Variants in SPMAP2 observed in about 807,000 individuals in gnomAD.
SPMAP2 encodes sperm microtubule associated protein 2, also known as Theg homolog.
At chr19:362,362 G>C in the SPMAP2 span, 1 of 1,609,008 alleles carries the variant, frequency 6.2e-7, no homozygotes, top group Non-Finnish European at 8.5e-7. Context: ...CCTTCTTGGT[G>C]ACATCCAGCA....
the SPMAP2 span, chr19:375,981 C>A: frequency 1.4e-6 from 2 of 1,384,892 alleles, no homozygotes; most frequent in Non-Finnish European, 1.9e-6. Context: ...ACACCGGTCC[C>A]TTCCCAGCCC....
chr19:374,503 TC>T, the SPMAP2 span: 2 of 1,578,176 alleles, frequency 1.3e-6, no homozygotes, highest in African/African-American at 2.7e-5. Context: ...TGGGTCTTGC[TC>T]AAGCGCCTTT....
chr19:374,381 T>G, the SPMAP2 span: 1 of 1,614,118 alleles, frequency 6.2e-7, no homozygotes, highest in Non-Finnish European at 8.5e-7. Context: ...CTTGCTTTGG[T>G]CATGGTGGTG....
the SPMAP2 span, chr19:374,625 T>C: frequency 1.4e-5 from 9 of 630,418 alleles, no homozygotes; most frequent in Middle Eastern, 1.3e-3. Flanking sequence ...GCTCGCTGGA[T>C]GGAAGACCCG....
the SPMAP2 span, among the ~76,000 whole-genome samples, chr19:368,491 G>A: frequency 6.7e-6 from 1 of 148,432 alleles, no homozygotes; most frequent in East Asian, 2.1e-4. The surrounding 1 kb of genome is among the most constrained non-coding windows in gnomAD (Gnocchi z 4.1). Flanking sequence ...GGGAGGGAGG[G>A]AAGGAGGGCA....
chr19:369,968 G>A, the SPMAP2 span, among the ~76,000 whole-genome samples: 5 of 152,182 alleles, frequency 3.3e-5, no homozygotes, highest in African/African-American at 1.2e-4. Context: ...GGATGCGACG[G>A]CTTGGCTTGG....
the SPMAP2 span, among the ~76,000 whole-genome samples, chr19:369,113 G>T: frequency 6.6e-6 from 1 of 152,194 alleles, no homozygotes; most frequent in African/African-American, 2.4e-5. Context: ...TTATGGGAGA[G>T]ATGCTGTCAC....
At chr19:373,755 G>C in the SPMAP2 span, among the ~76,000 whole-genome samples, 4 of 152,116 alleles carry the variant, frequency 2.6e-5, no homozygotes, top group Non-Finnish European at 5.9e-5. Context: ...GCATAGCTAA[G>C]AAGAGGGCCC....
the SPMAP2 span, among the ~76,000 whole-genome samples, chr19:370,364 C>T: frequency 1.8e-4 from 26 of 147,112 alleles, no homozygotes; most frequent in African/African-American, 5.8e-4. Flanking sequence ...TTTTTTGAGG[C>T]GGAGTCTCGC....
At chr19:362,345 G>T in the SPMAP2 span, 1 of 1,610,730 alleles carries the variant, frequency 6.2e-7, no homozygotes, top group South Asian at 1.1e-5. Flanking sequence ...CCGGGGGCTG[G>T]CCACCACCTT....
the SPMAP2 span, chr19:374,664 A>G: frequency 1.8e-6 from 1 of 548,572 alleles, no homozygotes; most frequent in South Asian, 2.3e-5. Flanking sequence ...CCTGGTCCTC[A>G]GCTTCCTCCT....
the SPMAP2 span, among the ~76,000 whole-genome samples, chr19:365,860 C>T: frequency 7.9e-5 from 12 of 152,132 alleles, no homozygotes; most frequent in Admixed American, 1.3e-4. Context: ...AATGCTGCTT[C>T]CTGGCCAGGA....
chr19:371,435 CAT>C, the SPMAP2 span: 3 of 504,118 alleles, frequency 6.0e-6, no homozygotes, highest in East Asian at 3.1e-5. Context: ...CCAGCTCCTC[CAT>C]ATGTGTCTGT....
At chr19:373,866 G>T in the SPMAP2 span, 1 of 1,370,476 alleles carries the variant, frequency 7.3e-7, no homozygotes, top group Non-Finnish European at 1.0e-6. Context: ...AGGGTGGCTG[G>T]AGTGAAGGGG....
the SPMAP2 span, among the ~76,000 whole-genome samples, chr19:364,865 G>A: frequency 2.6e-5 from 4 of 152,134 alleles, no homozygotes; most frequent in Admixed American, 6.5e-5. Context: ...AGCAGCCGGG[G>A]CTGTCCTCTA....
At chr19:372,298 C>A in the SPMAP2 span, among the ~76,000 whole-genome samples, 12 of 152,384 alleles carry the variant, frequency 7.9e-5, no homozygotes, top group African/African-American at 2.9e-4. Flanking sequence ...AGAATTTCCA[C>A]CTTTTTTGAG....
chr19:364,713 G>A, the SPMAP2 span, among the ~76,000 whole-genome samples: 2 of 152,032 alleles, frequency 1.3e-5, no homozygotes, highest in East Asian at 1.9e-4. Flanking sequence ...CTTGCTCCCT[G>A]GTGGCTGTCC....
chr19:365,546 C>A, the SPMAP2 span, among the ~76,000 whole-genome samples: 4,713 of 59,448 alleles, frequency 0.079, 350 homozygotes, highest in African/African-American at 0.22. Flanking sequence ...AGCACACACA[C>A]ACAGCCACAC....
chr19:371,334 C>A, the SPMAP2 span: 5 of 1,434,418 alleles, frequency 3.5e-6, no homozygotes, highest in Non-Finnish European at 4.6e-6. Flanking sequence ...TGGGGGAGGT[C>A]CCCATTTTAG....
Sources: allele counts gnomAD v4.1 joint callset (sites outside exome capture counted in the v4.1 genomes callset), GRCh38; gene constraint gnomAD v4.1.1; non-coding constraint Gnocchi (gnomAD v3.1); transcripts MANE v1.5; gene names NCBI Gene and HGNC (gene_info 2026-07-23, HGNC 2026-07-21).